The following MARK3 variants were observed in gnomAD, a reference collection of about 807,000 sequenced individuals.
MARK3 encodes the protein MAP/microtubule affinity-regulating kinase 3.
A neutral mutation model predicts 90.1 loss-of-function variants in MARK3; 46 were observed. The observed-to-expected ratio is 0.51, with a 90% confidence interval of 0.40 to 0.65. The LOEUF (loss-of-function observed/expected upper bound fraction) is 0.65. Among genes scored for constraint, MARK3 ranks in the 30% least tolerant of loss-of-function variants. The probability of loss-of-function intolerance (pLI) is 0.00; values close to 1 mark genes in which losing one functional copy is unlikely to be tolerated. For synonymous variants in MARK3, 321 were observed against 332.6 expected, an observed-to-expected ratio of 0.97 and a Z score of 0.38; for missense variants, 818 against 947.2, an observed-to-expected ratio of 0.86 and a Z score of 1.79.
intron 15 of MARK3, among the ~76,000 whole-genome samples, chr14:103,495,041 TTA>T (rs370548724): frequency 3.3e-5 from 5 of 152,348 alleles, no homozygotes; most frequent in African/African-American, 7.2e-5. Flanking sequence ...ATATATACAC[TTA>T]TATGTGTGAA....
chr14:103,458,746 C>T, intron 6 of MARK3: 1 of 728,608 alleles, frequency 1.4e-6, no homozygotes, highest in East Asian at 2.5e-5. Context: ...GCTGGACAGA[C>T]TATTAAAGTT....
chr14:103,386,336 T>A, intron 1 of MARK3: 1 of 693,470 alleles, frequency 1.4e-6, no homozygotes, highest in Non-Finnish European at 2.6e-6. Flanking sequence ...AGTTGCAGCG[T>A]TACGGATCGG....
At chr14:103,429,917 A>T (rs546410616) in intron 3 of MARK3, among the ~76,000 whole-genome samples, 1 of 152,258 alleles carries the variant, frequency 6.6e-6, no homozygotes, top group East Asian at 1.9e-4. Context: ...AATTTTTACC[A>T]TGGTGTTGTA....
At chr14:103,441,783 GAC>G (rs761227574) in intron 3 of MARK3, among the ~76,000 whole-genome samples, 19 of 152,270 alleles carry the variant, frequency 1.2e-4, no homozygotes, top group South Asian at 1.2e-3. Flanking sequence ...CTGCATCGTG[GAC>G]AGAGTCTCCG....
chr14:103,485,252 C>CTT (rs36010258), intron 14 of MARK3, among the ~76,000 whole-genome samples: 1,799 of 83,550 alleles, frequency 0.022, 113 homozygotes, highest in African/African-American at 0.082. Flanking sequence ...AAAAAGGCTG[C>CTT]TTTTTTTTTT....
chr14:103,406,212 T>C (rs1053958939), intron 2 of MARK3, among the ~76,000 whole-genome samples: 21 of 149,296 alleles, frequency 1.4e-4, no homozygotes, highest in Non-Finnish European at 2.5e-4. Flanking sequence ...GCTTTTTCTT[T>C]TTTGGGGGGT....
rs185191630 is a variant in MARK3, at chr14:103,444,046, T to C, written c.298-4873T>C. 7.9e-5 allele frequency among the ~76,000 whole-genome samples: 12 copies of C among 151,810 alleles called. No homozygotes were observed. In the East Asian group the frequency reaches 2.3e-3, roughly 29 times the overall value. On this transcript the variant is annotated intron_variant, in intron 3 of 17. Coordinates refer to ENST00000429436, the MANE Select transcript of MARK3 (RefSeq NM_001128918.3). ...TGTCTGTAACCCCCGTGTTCTCTTT[T>C]ACATACTCATTTTACTTTCGTATCG...
At chr14:103,409,312 G>A (rs1321251239) in intron 2 of MARK3, among the ~76,000 whole-genome samples, 1 of 151,908 alleles carries the variant, frequency 6.6e-6, no homozygotes. Flanking sequence ...AGGGGCAAGG[G>A]GAGGGATAGC....
At chr14:103,428,593 G>T in intron 3 of MARK3, 153 bp downstream of exon 3, 1 of 591,112 alleles carries the variant, frequency 1.7e-6, no homozygotes, top group Non-Finnish European at 3.0e-6. Context: ...AGTATTTCAT[G>T]AAAAATTGTT....
intron 12 of MARK3, among the ~76,000 whole-genome samples, chr14:103,469,555 C>G (rs10151602): frequency 0.65 from 99,086 of 151,870 alleles, 32,731 homozygotes; most frequent in East Asian, 0.86. Flanking sequence ...GCATGATCTC[C>G]GCTCACTGCA....
Position 103,410,542 on chromosome 14 carries a change from G to A in MARK3, c.243+5275G>A, listed in dbSNP as rs181220497. 9.9e-5 allele frequency among the ~76,000 whole-genome samples: 15 copies of A among 152,158 alleles called. No homozygotes were observed. In the East Asian group the frequency reaches 2.7e-3, roughly 27 times the overall value. The stretch of plus-strand genomic sequence containing the variant: ...TTTGTCATTCATAATTTCTTTTTGA[G>A]GCAAGTTCCCTGGCCACCCGCAGTA... On this transcript the variant is annotated intron_variant, in intron 2 of 17. Coordinates refer to ENST00000429436, the MANE Select transcript of MARK3 (RefSeq NM_001128918.3).
intron 2 of MARK3, among the ~76,000 whole-genome samples, chr14:103,405,917 G>T (rs968885780): frequency 2.6e-5 from 4 of 151,126 alleles, no homozygotes; most frequent in African/African-American, 9.7e-5. Flanking sequence ...TCAAGACAGG[G>T]CCTTGCCCTG....
intron 1 of MARK3, among the ~76,000 whole-genome samples, chr14:103,395,118 A>G (rs746646559): frequency 3.3e-5 from 5 of 152,164 alleles, no homozygotes; most frequent in Non-Finnish European, 7.4e-5. Flanking sequence ...TGTGTGATGG[A>G]AAGAGTCTGG....
At chr14:103,478,970 C>T (rs2093769005) in intron 13 of MARK3, among the ~76,000 whole-genome samples, 1 of 152,138 alleles carries the variant, frequency 6.6e-6, no homozygotes, top group African/African-American at 2.4e-5. Flanking sequence ...AATAATGCTA[C>T]TATAAACAAT....
At chr14:103,413,054 T>C (rs1216789423) in intron 2 of MARK3, among the ~76,000 whole-genome samples, 1 of 152,064 alleles carries the variant, frequency 6.6e-6, no homozygotes, top group East Asian at 1.9e-4. Context: ...TTTGTATTTT[T>C]AGTAGAGACG....
At chr14:103,440,368 C>G (rs780291398) in intron 3 of MARK3, among the ~76,000 whole-genome samples, 3 of 152,182 alleles carry the variant, frequency 2.0e-5, no homozygotes, top group Non-Finnish European at 4.4e-5. Flanking sequence ...CCTCCTTCTT[C>G]ATTAGAGAAG....
At chr14:103,464,415 C>G (rs1263202843) in intron 7 of MARK3, among the ~76,000 whole-genome samples, 1 of 151,090 alleles carries the variant, frequency 6.6e-6, no homozygotes, top group Non-Finnish European at 1.5e-5. Flanking sequence ...TCTCCTGCCT[C>G]AGCCTCTCAA....
At chr14:103,409,158 A>G (rs889876206) in intron 2 of MARK3, among the ~76,000 whole-genome samples, 4 of 152,150 alleles carry the variant, frequency 2.6e-5, no homozygotes, top group Non-Finnish European at 5.9e-5. Flanking sequence ...GAATATGACT[A>G]GCAGAGTGGT....
chr14:103,437,393 CA>C (rs577184676), intron 3 of MARK3, among the ~76,000 whole-genome samples: 121 of 138,740 alleles, frequency 8.7e-4, no homozygotes, highest in Middle Eastern at 3.6e-3. Context: ...GACTCCGTCT[CA>C]AAAAAAAAAA....
Sources: gnomAD v4.1 joint callset for allele counts (sites outside exome capture counted in the v4.1 genomes callset) on GRCh38, gnomAD v4.1.1 for gene constraint, MANE v1.5 for transcripts, NCBI Gene and HGNC (gene_info 2026-07-23, HGNC 2026-07-21) for gene names.